The following CDH13 variants were observed in gnomAD, a reference collection of about 807,000 sequenced individuals.
CDH13 encodes the protein cadherin 13.
In CDH13, 24 loss-of-function variants were observed where a neutral mutation model predicts 63.8. The observed-to-expected ratio is 0.38, with a 90% confidence interval of 0.27 to 0.53. The LOEUF is 0.53. Ranked by LOEUF, CDH13 falls within the 20% of genes least tolerant of loss-of-function variation. CDH13 has a pLI of 0.85. For missense variants in CDH13, 1,049 were observed against 903.1 expected (o/e 1.16, Z -2.07); for synonymous variants, 503 against 355.3 (o/e 1.42, Z -4.67).
chr16:83,201,031 A>C (rs1004845771), intron 4 of CDH13, among the ~76,000 whole-genome samples: 3 of 151,832 alleles, frequency 2.0e-5, no homozygotes, highest in African/African-American at 7.3e-5. Context: ...GGATACCAGA[A>C]TATCTCTTGG....
At chr16:83,324,296 A>G (rs1272762386) in intron 5 of CDH13, among the ~76,000 whole-genome samples, 1 of 152,152 alleles carries the variant, frequency 6.6e-6, no homozygotes, top group East Asian at 1.9e-4. Flanking sequence ...CGGCCTTGCA[A>G]AGTGCTGGGA....
intron 10 of CDH13, among the ~76,000 whole-genome samples, chr16:83,686,250 A>G (rs1477149737): frequency 2.6e-5 from 4 of 152,204 alleles, no homozygotes; most frequent in African/African-American, 9.7e-5. Flanking sequence ...CACTTCCTCA[A>G]TCCTTGACAT....
At chr16:82,840,371 G>C (rs1299241960) in intron 1 of CDH13, among the ~76,000 whole-genome samples, 1 of 141,354 alleles carries the variant, frequency 7.1e-6, no homozygotes, top group Non-Finnish European at 1.5e-5. Flanking sequence ...AGGGCCTGAT[G>C]CTCTGAAAAG....
chr16:82,950,301 A>G (rs183002462), intron 2 of CDH13, among the ~76,000 whole-genome samples: 1 of 151,800 alleles, frequency 6.6e-6, no homozygotes, highest in African/African-American at 2.4e-5. Flanking sequence ...CCCTGTGTCT[A>G]TGTCTGCCTC....
intron 3 of CDH13, among the ~76,000 whole-genome samples, chr16:83,043,939 T>C (rs915435873): frequency 2.6e-5 from 4 of 152,202 alleles, no homozygotes; most frequent in African/African-American, 9.7e-5. Flanking sequence ...TTAAGGCACA[T>C]CTCAATTTAG....
chr16:83,537,881 C>G (rs1219218852), intron 7 of CDH13, among the ~76,000 whole-genome samples: 2 of 152,174 alleles, frequency 1.3e-5, no homozygotes, highest in Non-Finnish European at 2.9e-5. Flanking sequence ...TATACCATAA[C>G]TATATTCAAC....
At chr16:83,023,602 T>A (rs116243395) in intron 2 of CDH13, among the ~76,000 whole-genome samples, 1 of 152,156 alleles carries the variant, frequency 6.6e-6, no homozygotes, top group Admixed American at 6.6e-5. Context: ...CAGGAAGTTG[T>A]CTCTATAGAA....
At chr16:83,635,790 A>G (rs1911208149) in intron 8 of CDH13, among the ~76,000 whole-genome samples, 1 of 152,292 alleles carries the variant, frequency 6.6e-6, no homozygotes, top group South Asian at 2.1e-4. Context: ...CTTTCACAGA[A>G]CAAAAGTTTT....
chr16:83,421,620 C>A (rs2071716150), intron 6 of CDH13, among the ~76,000 whole-genome samples: 2 of 152,080 alleles, frequency 1.3e-5, no homozygotes, highest in African/African-American at 2.4e-5. Context: ...CCAGAAGTTC[C>A]TATAGACTTC....
intron 1 of CDH13, among the ~76,000 whole-genome samples, chr16:82,832,038 T>A (rs9929788): frequency 0.45 from 68,915 of 152,086 alleles, 16,459 homozygotes; most frequent in East Asian, 0.79. Flanking sequence ...TTAATTAGAA[T>A]AGAAGTTACA....
intron 7 of CDH13, among the ~76,000 whole-genome samples, chr16:83,547,304 C>G (rs1368902568): frequency 6.6e-6 from 1 of 152,160 alleles, no homozygotes. Flanking sequence ...GTTGTTTAAT[C>G]TATTTTTTAG....
Position 83,646,706 on chromosome 16 carries a change from A to AC in CDH13, c.1102-24084_1102-24083insC, listed in dbSNP as rs1424179609. On this transcript the variant is annotated intron_variant, in intron 8 of 13. Transcript: ENST00000567109. ...AGACTCCGTCTCAAAAAAAAAAAAAAAAAAAAACACACACACACACACACA... is the reference window on the plus strand; with the variant it reads ...AGACTCCGTCTCAAAAAAAAAAAAAACAAAAAAACACACACACACACACACA... Among the ~76,000 whole-genome samples the AC allele has an allele frequency of 2.4e-3, 210 of 88,720 alleles. 1 individual carries two copies. The highest frequency in any genetic ancestry group is 7.6e-3 in the African/African-American group (198 of 26,046). 58.2% of individuals were successfully genotyped at this position (88,720 alleles called of 152,430 possible). A position where few individuals can be genotyped will look rare whatever the true frequency, so the allele number is the denominator to read the frequency against.
chr16:83,009,285 C>A (rs184647291), intron 2 of CDH13, among the ~76,000 whole-genome samples: 1 of 152,298 alleles, frequency 6.6e-6, no homozygotes, highest in Non-Finnish European at 1.5e-5. Flanking sequence ...CACAGAAAAC[C>A]AGTGCTCTTG....
At chr16:83,187,058 C>G (rs916600724) in intron 4 of CDH13, among the ~76,000 whole-genome samples, 1 of 152,078 alleles carries the variant, frequency 6.6e-6, no homozygotes, top group African/African-American at 2.4e-5. Flanking sequence ...GCAACCTGCA[C>G]CTCCCGAGTT....
Position 83,178,405 on chromosome 16 carries a change from C to T in CDH13, c.484-38940C>T, listed in dbSNP as rs139849134. Among the ~76,000 whole-genome samples, 818 of 152,292 alleles carry T rather than the reference C, an allele frequency of 5.4e-3. 8 individuals carry two copies. Among genetic ancestry groups the T allele is most frequent in the Middle Eastern group, 0.014 (4 of 294 alleles). Reference sequence around the variant, plus strand: ...AGATCCTGTCTGAAGTCCCCTCTGGCACTGATAGTCTAAGATTCTTCTTGG... The same window carrying T: ...AGATCCTGTCTGAAGTCCCCTCTGGTACTGATAGTCTAAGATTCTTCTTGG... On this transcript the variant is annotated intron_variant, in intron 4 of 13. Coordinates refer to ENST00000567109, the MANE Select transcript of CDH13 (RefSeq NM_001257.5).
chr16:83,178,997 T>C (rs2151741219), intron 4 of CDH13, among the ~76,000 whole-genome samples: 1 of 152,216 alleles, frequency 6.6e-6, no homozygotes, highest in African/African-American at 2.4e-5. Context: ...AAAAAGGAGG[T>C]ATATTTTTAC....
At chr16:82,702,063 C>T (rs1222816095) in intron 1 of CDH13, among the ~76,000 whole-genome samples, 4 of 152,180 alleles carry the variant, frequency 2.6e-5, no homozygotes, top group Non-Finnish European at 5.9e-5. Context: ...CTCACCTTTC[C>T]CACTTGGCCT....
Position 83,015,657 on chromosome 16 carries a change from ATGTG to A in CDH13, c.158-16339_158-16336del, listed in dbSNP as rs145413477. On this transcript the variant is annotated intron_variant, in intron 2 of 13. Coordinates refer to ENST00000567109, the MANE Select transcript of CDH13 (RefSeq NM_001257.5). Reference sequence around the variant, plus strand: ...CCATATGCTTCAGCTTGCAGCATATATGTGTGTGTGTGTGTGTATGTATATATAT... The same window carrying A: ...CCATATGCTTCAGCTTGCAGCATATATGTGTGTGTGTGTATGTATATATAT... Among the ~76,000 whole-genome samples the A allele has an allele frequency of 6.0e-3, 492 of 82,068 alleles. 6 individuals carry two copies. Among genetic ancestry groups the A allele is most frequent in the African/African-American group, 0.022 (460 of 21,278 alleles). 53.8% of individuals were successfully genotyped at this position (82,068 alleles called of 152,430 possible).
chr16:83,675,059 C>A (rs1411620001), intron 9 of CDH13, among the ~76,000 whole-genome samples: 1 of 152,172 alleles, frequency 6.6e-6, no homozygotes, highest in African/African-American at 2.4e-5. Context: ...GTGGTTTACA[C>A]CCTCTCTTGT....
Sources: allele counts gnomAD v4.1 joint callset (sites outside exome capture counted in the v4.1 genomes callset), GRCh38; gene constraint gnomAD v4.1.1; transcripts MANE v1.5; gene names NCBI Gene and HGNC (gene_info 2026-07-23, HGNC 2026-07-21).